Variants in DYNLRB2 observed in about 807,000 individuals in gnomAD.
DYNLRB2 encodes the protein bithoraxoid-like protein.
In DYNLRB2, 14 loss-of-function variants were observed where a neutral mutation model predicts 12.6. The ratio of observed to expected loss-of-function variants is 1.11; its 90% CI spans 0.73 to 1.73. The LOEUF is 1.73. DYNLRB2 is among the 40% of genes most tolerant of loss of function. The pLI, the probability that DYNLRB2 is intolerant of heterozygous loss-of-function variation, is 0.00. For missense variants in DYNLRB2, 142 were observed against 117.7 expected, an observed-to-expected ratio of 1.21 and a Z score of -0.95; for synonymous variants, 53 against 37.0, an observed-to-expected ratio of 1.43 and a Z score of -1.57.
intron 3 of DYNLRB2, among the ~76,000 whole-genome samples, chr16:80,550,228 C>T (rs1296849850): frequency 1.3e-5 from 2 of 152,196 alleles, no homozygotes; most frequent in African/African-American, 4.8e-5. Flanking sequence ...TTTTTTCCTA[C>T]ACCAGTGTCC....
At chr16:80,544,448 A>C (rs1904330497) in intron 2 of DYNLRB2, among the ~76,000 whole-genome samples, 1 of 152,238 alleles carries the variant, frequency 6.6e-6, no homozygotes, top group African/African-American at 2.4e-5. Flanking sequence ...ATCAGGGGGA[A>C]GAGAGGATTT....
upstream of DYNLRB2, chr16:80,540,980 C>G (rs890193834): frequency 5.7e-5 from 90 of 1,577,956 alleles, no homozygotes; most frequent in African/African-American, 6.8e-5. Flanking sequence ...TCCGTGGGGC[C>G]ACTTCCTTTT....
chr16:80,550,306 C>A (rs1904762528), intron 3 of DYNLRB2, among the ~76,000 whole-genome samples: 1 of 152,122 alleles, frequency 6.6e-6, no homozygotes, highest in Non-Finnish European at 1.5e-5. Context: ...GGGACTGCAC[C>A]CCAAACCAAT....
chr16:80,549,276 T>C (rs370093579), intron 2 of DYNLRB2: 1 of 513,460 alleles, frequency 1.9e-6, no homozygotes, highest in African/African-American at 1.9e-5. Context: ...CAGTCAAGTT[T>C]GTAAATATAG....
intron 2 of DYNLRB2, among the ~76,000 whole-genome samples, chr16:80,545,666 CT>C (rs775659372): frequency 0.011 from 840 of 74,890 alleles, 20 homozygotes; most frequent in East Asian, 0.043. Flanking sequence ...CCATTAGCTT[CT>C]TTTTTTTTTT....
chr16:80,545,776 C>T lies in DYNLRB2; in HGVS notation c.79+2425C>T, dbSNP rs931764369. On this transcript the variant is annotated intron_variant, in intron 2 of 3. Transcript: ENST00000305904. ...TCTGCAGCTCTGCCTCCCTGGTTCA[C>T]GCCATTCTCCTGCCTCAGCCTCCCA... 1.4e-4 allele frequency among the ~76,000 whole-genome samples: 21 copies of T among 148,980 alleles called. No homozygotes were observed. The East Asian group carries it at 1.8e-3, about 13-fold the overall frequency.
intron 2 of DYNLRB2, among the ~76,000 whole-genome samples, chr16:80,545,212 C>A (rs1338100935): frequency 1.3e-5 from 2 of 152,088 alleles, no homozygotes; most frequent in Admixed American, 1.3e-4. Flanking sequence ...AATTTTACTC[C>A]TAGCAATTTA....
At chr16:80,541,102 C>T in intron 1 of DYNLRB2, 23 bp downstream of exon 1, 2 of 1,595,032 alleles carry the variant, frequency 1.3e-6, no homozygotes, top group Non-Finnish European at 1.7e-6. Context: ...TCTCCGTCCA[C>T]GCCCCGCCGT....
chr16:80,545,232 G>A (rs1455261655), intron 2 of DYNLRB2, among the ~76,000 whole-genome samples: 1 of 152,130 alleles, frequency 6.6e-6, no homozygotes, highest in Non-Finnish European at 1.5e-5. Flanking sequence ...ATCCTAAAGA[G>A]TGATGAAGAA....
intron 2 of DYNLRB2, chr16:80,548,944 G>A (rs1242973310): frequency 2.2e-6 from 1 of 455,974 alleles, no homozygotes; most frequent in East Asian, 6.9e-5. Flanking sequence ...TGGCCTCAGG[G>A]AAGAAGACTA....
chr16:80,541,242 G>A (rs1904285375), intron 1 of DYNLRB2, 163 bp downstream of exon 1: 1 of 961,792 alleles, frequency 1.0e-6, no homozygotes, highest in Non-Finnish European at 1.2e-6. Flanking sequence ...GGGAGACCTT[G>A]GAAAGGGGCA....
chr16:80,549,651 G>A lies in DYNLRB2; in HGVS notation c.247G>A (p.Asp83Asn). ...GAAACATGAAATCATGGTAGCTCCA[G>A]GTAATTTGGCATTTCATTTCCTAGT... ...SKKHEIMVAP[D>N]KEYLLIVIQN... Residue 83 changes from aspartate (D) to asparagine (N), a missense_variant and splice_region_variant, in exon 3 of 4, where the codon GAT becomes AAT. Transcript: ENST00000305904. 7 of 1,584,524 alleles carry A rather than the reference G, an allele frequency of 4.4e-6. No homozygotes were observed. Among genetic ancestry groups the A allele is most frequent in the Non-Finnish European group, 6.0e-6 (7 of 1,159,560 alleles).
chr16:80,548,919 A>C (rs1294498357), intron 2 of DYNLRB2: 5 of 455,934 alleles, frequency 1.1e-5, no homozygotes, highest in South Asian at 7.7e-5. Flanking sequence ...GTGCAGTGAT[A>C]TCCCTTTATG....
At chr16:80,548,328 T>C (rs1904608733) in intron 2 of DYNLRB2, 1 of 157,066 alleles carries the variant, frequency 6.4e-6, no homozygotes, top group Admixed American at 6.2e-5. Flanking sequence ...ATGCTGGGTG[T>C]TCCAAGTTGA....
chr16:80,546,773 T>C (rs1228045567), intron 2 of DYNLRB2, among the ~76,000 whole-genome samples: 4 of 152,214 alleles, frequency 2.6e-5, no homozygotes, highest in African/African-American at 9.6e-5. Context: ...TTTCTAACAA[T>C]CTATCATTTG....
intron 2 of DYNLRB2, among the ~76,000 whole-genome samples, chr16:80,545,500 C>G (rs764957555): frequency 1.9e-4 from 29 of 151,862 alleles, no homozygotes; most frequent in Non-Finnish European, 3.7e-4. Context: ...GCCAGGTGCA[C>G]ACATACACTT....
rs755822628 is a variant in DYNLRB2 at position 80,549,662 on chromosome 16, A to G, written c.247+11A>G. ...TCATGGTAGCTCCAGGTAATTTGGC[A>G]TTTCATTTCCTAGTTAAATCATCTT... is the stretch of plus-strand genomic sequence containing the variant. On this transcript the variant is annotated intron_variant, in intron 3 of 3. Transcript: ENST00000305904. The G allele has an allele frequency of 2.7e-5, 43 of 1,574,712 alleles. No individual in the cohort carries two copies. In the South Asian group the frequency reaches 4.9e-4, roughly 18 times the overall value.
chr16:80,542,354 C>G (rs1029388240), intron 1 of DYNLRB2, among the ~76,000 whole-genome samples: 1 of 152,112 alleles, frequency 6.6e-6, no homozygotes, highest in African/African-American at 2.4e-5. Flanking sequence ...ACACAAATGC[C>G]TAAAGTCAAG....
chr16:80,543,395 C>G (rs779412868), intron 2 of DYNLRB2, 44 bp downstream of exon 2: 133 of 1,595,748 alleles, frequency 8.3e-5, no homozygotes, highest in Non-Finnish European at 1.1e-4. Flanking sequence ...AGAAGCCAAC[C>G]AGGAACCTGT....
Sources: allele counts gnomAD v4.1 joint callset (sites outside exome capture counted in the v4.1 genomes callset), GRCh38; gene constraint gnomAD v4.1.1; transcripts MANE v1.5; gene names NCBI Gene and HGNC (gene_info 2026-07-23, HGNC 2026-07-21).